Variants in GAK observed in about 807,000 individuals in gnomAD.
GAK encodes the protein cyclin-G-associated kinase.
Under a neutral mutation model 143.9 loss-of-function variants are expected in GAK, and 79 were observed. That is an observed-to-expected ratio of 0.55 (90% CI 0.46 to 0.66). The LOEUF (loss-of-function observed/expected upper bound fraction) is 0.66. GAK is among the 30% of genes least tolerant of loss of function. The probability of loss-of-function intolerance (pLI) is 0.00; values close to 1 mark genes in which losing one functional copy is unlikely to be tolerated. For missense variants in GAK, 1,693 were observed against 1,779.7 expected, an observed-to-expected ratio of 0.95 and a Z score of 0.88; for synonymous variants, 881 against 765.5, an observed-to-expected ratio of 1.15 and a Z score of -2.49.
At chr4:913,767 G>A in intron 1 of GAK, 99 bp from the exon 2 acceptor site, 1 of 1,056,666 alleles carries the variant, frequency 9.5e-7, no homozygotes, top group South Asian at 1.3e-5. Context: ...ATTGACTTGT[G>A]GCGTGGCCAG....
chr4:876,572 G>T lies in GAK; in HGVS notation c.2012C>A (p.Thr671Lys), dbSNP rs928545900. Reference sequence around the variant, plus strand: ...GGTGGCGTTCCGAGGCACAAACCCCGTGTGGAACTGAATCTGGAACATCTT... The same window carrying T: ...GGTGGCGTTCCGAGGCACAAACCCCTTGTGGAACTGAATCTGGAACATCTT... ...SMKMFQIQFH[T>K]GFVPRNATTV... Residue 671 changes from threonine to lysine, a missense_variant, in exon 18 of 28, where the codon ACG (threonine) becomes AAG (lysine). Around this residue, in one of 2 missense-constraint regions of GAK, gnomAD observed 871 missense variants for 991.0 expected, o/e 0.88. Transcript: ENST00000314167. 2 of 1,614,172 alleles carry T rather than the reference G, an allele frequency of 1.2e-6. No homozygotes were observed.
intron 10 of GAK, 136 bp downstream of exon 10, chr4:890,396 C>T (rs1179093728): frequency 1.6e-6 from 1 of 613,978 alleles, no homozygotes; most frequent in Non-Finnish European, 2.8e-6. Context: ...CTCAGGGACC[C>T]TGACCTCACA....
Position 867,008 on chromosome 4 carries a change from C to G in GAK, c.2820G>C (p.Pro940=). 1 of 1,501,300 alleles carries G rather than the reference C, an allele frequency of 6.7e-7. No individual in the cohort carries two copies. Among genetic ancestry groups the G allele is most frequent in the Non-Finnish European group, 8.9e-7 (1 of 1,125,622 alleles). 93.0% of individuals were successfully genotyped at this position (1,501,300 alleles called of 1,614,324 possible). A position where few individuals can be genotyped will look rare whatever the true frequency, so the allele number is the denominator to read the frequency against. Reference sequence around the variant, plus strand: ...TGCTCTGCACGCTCAGGGGAGGGGCCGGGCTTGCCAGGAGCAGCGGGTCCT... The same window carrying G: ...TGCTCTGCACGCTCAGGGGAGGGGCGGGGCTTGCCAGGAGCAGCGGGTCCT... ...LSEDPLLLAS[P]APPLSVQSTP... is the part of the protein sequence containing the mutation. Residue 940 remains proline (P), a synonymous_variant, in exon 21 of 28, where the codon CCG becomes CCC. Transcript: ENST00000314167.
chr4:867,051 G>C lies in GAK; in HGVS notation c.2777C>G (p.Pro926Arg), dbSNP rs745833929. ...CGGGTCCTCGCTGAGCAGATCCTCCGGGGGCCCCTGGGAGGCGGCCTCAGG... is the reference window on the plus strand; with the variant it reads ...CGGGTCCTCGCTGAGCAGATCCTCCCGGGGCCCCTGGGAGGCGGCCTCAGG... The part of the protein sequence containing the change: ...GPPEAASQGP[P>R]EDLLSEDPLL... Residue 926 changes from proline to arginine, a missense_variant, in exon 21 of 28, where the codon CCG becomes CGG. Physicochemically the swap from Pro to Arg is moderately radical, Grantham distance 103. Around this residue, in one of 2 missense-constraint regions of GAK, gnomAD observed 822 missense variants for 788.7 expected, o/e 1.04. Coordinates refer to ENST00000314167, the MANE Select transcript of GAK (RefSeq NM_005255.4). 6 of 1,523,366 alleles carry C rather than the reference G, an allele frequency of 3.9e-6. No individual in the cohort carries two copies. The African/African-American group carries it at 4.2e-5, about 11-fold the overall frequency. 94.4% of individuals were successfully genotyped at this position (1,523,366 alleles called of 1,614,324 possible).
chr4:881,753 C>G (rs909939786), intron 15 of GAK, among the ~76,000 whole-genome samples, 154 bp downstream of exon 15: 2 of 152,260 alleles, frequency 1.3e-5, no homozygotes, highest in African/African-American at 4.8e-5. Flanking sequence ...GCCGTAAGCC[C>G]AGGGCTCAGC....
intron 23 of GAK, among the ~76,000 whole-genome samples, chr4:864,803 G>T (rs943097173): frequency 6.6e-6 from 1 of 152,218 alleles, no homozygotes; most frequent in African/African-American, 2.4e-5. Flanking sequence ...CACAGAGTGT[G>T]GGGCATGAAA....
chr4:912,200 C>G (rs1354680707), intron 3 of GAK: 3 of 454,736 alleles, frequency 6.6e-6, no homozygotes, highest in Middle Eastern at 6.5e-4. Context: ...GAGGCAGAGT[C>G]TGAGGGCAGC....
intron 1 of GAK, among the ~76,000 whole-genome samples, chr4:931,639 T>A (rs1725821873): frequency 6.6e-6 from 1 of 152,112 alleles, no homozygotes; most frequent in South Asian, 2.1e-4. Flanking sequence ...CTAGGCACCG[T>A]CCCTCAGTCT....
intron 11 of GAK, chr4:888,554 C>A: frequency 2.5e-6 from 1 of 397,758 alleles, no homozygotes; most frequent in Non-Finnish European, 4.6e-6. Flanking sequence ...GGGAACAAGC[C>A]AGGAACGCCC....
At chr4:884,360 G>GC in intron 11 of GAK, 1 of 466,448 alleles carries the variant, frequency 2.1e-6, no homozygotes. Context: ...CTGTCTGACT[G>GC]CCCCTTCCCC....
intron 4 of GAK, 143 bp from the exon 5 acceptor site, chr4:904,922 G>A (rs1720795718): frequency 2.6e-6 from 2 of 784,098 alleles, no homozygotes; most frequent in Middle Eastern, 3.7e-4. Flanking sequence ...ACGACCAGAG[G>A]TGACTCCCTT....
intron 1 of GAK, among the ~76,000 whole-genome samples, chr4:922,003 G>T (rs949936417): frequency 6.6e-6 from 1 of 152,128 alleles, no homozygotes; most frequent in African/African-American, 2.4e-5. Flanking sequence ...TAAAAACCAC[G>T]ACGCCAAATG....
chr4:913,722 A>G, intron 1 of GAK, 54 bp from the exon 2 acceptor site: 1 of 1,435,818 alleles, frequency 7.0e-7, no homozygotes, highest in Non-Finnish European at 9.8e-7. Context: ...TTAACATATC[A>G]GGCTTTAAAA....
chr4:854,763 T>C (rs1364489679), intron 24 of GAK, among the ~76,000 whole-genome samples: 1 of 152,162 alleles, frequency 6.6e-6, no homozygotes, highest in Non-Finnish European at 1.5e-5. Context: ...ATTCCAGGCA[T>C]GGCTGGGTGC....
intron 4 of GAK, among the ~76,000 whole-genome samples, chr4:908,422 G>A (rs759526937): frequency 6.6e-6 from 1 of 152,218 alleles, no homozygotes; most frequent in Non-Finnish European, 1.5e-5. Context: ...CAGCGCCTCA[G>A]GAGGCCTTGG....
At chr4:899,510 C>T (rs1434756711) in intron 5 of GAK, among the ~76,000 whole-genome samples, 1 of 152,198 alleles carries the variant, frequency 6.6e-6, no homozygotes, top group Non-Finnish European at 1.5e-5. Context: ...TATGGGCTCA[C>T]ACAGGCAGCG....
At chr4:876,747 G>A in intron 17 of GAK, 138 bp from the exon 18 acceptor site, 1 of 725,294 alleles carries the variant, frequency 1.4e-6, no homozygotes, top group South Asian at 1.6e-5. Flanking sequence ...CGTGCCACAT[G>A]TTGTGGGGGA....
At chr4:849,834 A>AGCCCCCCCCCCCCCCC in intron 27 of GAK, 58 bp downstream of exon 27, 1 of 942,246 alleles carries the variant, frequency 1.1e-6, no homozygotes, top group Non-Finnish European at 1.6e-6. Flanking sequence ...GCGGGGCAGG[A>AGCCCCCCCCCCCCCCC]CCCCCCCCCC....
intron 4 of GAK, among the ~76,000 whole-genome samples, chr4:906,428 C>T (rs1338677447): frequency 6.6e-6 from 1 of 152,174 alleles, no homozygotes; most frequent in Non-Finnish European, 1.5e-5. Context: ...CTAGCCCTGG[C>T]CCAACCAGGA....
Sources: gnomAD v4.1 joint callset for allele counts (sites outside exome capture counted in the v4.1 genomes callset) on GRCh38, gnomAD v4.1.1 for gene constraint, gnomAD v4.1.1 regional missense constraint, MANE v1.5 for transcripts, NCBI Gene and HGNC (gene_info 2026-07-23, HGNC 2026-07-21) for gene names.